Variants in ACSL5 observed in about 807,000 individuals in gnomAD.
ACSL5 encodes the protein acyl-CoA synthetase long chain family member 5.
Under a neutral mutation model 84.9 loss-of-function variants are expected in ACSL5, and 50 were observed. The observed-to-expected ratio is 0.59, with a 90% CI of 0.47 to 0.75. ACSL5 has a LOEUF of 0.75. ACSL5 is among the 30% of genes least tolerant of loss of function. The pLI is 0.00. For missense variants in ACSL5, 775 were observed against 830.4 expected (o/e 0.93, Z 0.82); for synonymous variants, 280 against 300.7 (o/e 0.93, Z 0.71).
intron 1 of ACSL5, among the ~76,000 whole-genome samples, chr10:112,386,998 T>C (rs908304424): frequency 1.3e-5 from 2 of 152,200 alleles, no homozygotes; most frequent in Non-Finnish European, 1.5e-5. Flanking sequence ...CTCTCAGCTC[T>C]TTTTTTAAAT....
chr10:112,374,304 A>G (rs961911630), intron 1 of ACSL5, 35 bp downstream of exon 1: 2 of 152,316 alleles, frequency 1.3e-5, no homozygotes, highest in East Asian at 1.9e-4. Flanking sequence ...ACTATATTGA[A>G]TATATCTGTG....
At chr10:112,424,282 T>G (rs777574299) in intron 17 of ACSL5, 3 of 152,240 alleles carry the variant, frequency 2.0e-5, no homozygotes, top group Non-Finnish European at 2.9e-5. Context: ...CCAAAAGATC[T>G]TCCCTCTCAA....
rs527675593 is a variant in ACSL5, at chr10:112,394,187, T to G, written c.-29-731T>G. On this transcript the variant is annotated intron_variant, in intron 1 of 20. Coordinates refer to ENST00000354655, the MANE Select transcript of ACSL5 (RefSeq NM_203379.2). ...GTTACTTTTAGTTTCTTGAGATCTC[T>G]TCTTGACCTAACTCTTCAATGCTCA... Among the ~76,000 whole-genome samples, 3 of 152,318 alleles carry G rather than the reference T, an allele frequency of 2.0e-5. No homozygotes were observed. The East Asian group carries it at 5.8e-4, about 29-fold the overall frequency.
intron 1 of ACSL5, among the ~76,000 whole-genome samples, chr10:112,380,162 G>A (rs1028714849): frequency 5.3e-5 from 8 of 152,170 alleles, no homozygotes; most frequent in Non-Finnish European, 1.2e-4. Context: ...GCCCAGTGGT[G>A]GATCAAGGTT....
rs999737166 is a variant in ACSL5, at chr10:112,416,980, G to A, written c.1176G>A (p.Arg392=). The change falls in exon 13 of 21, where the codon AGG becomes AGA. Residue 392 remains arginine, a synonymous_variant. Coordinates refer to ENST00000354655, the MANE Select transcript of ACSL5 (RefSeq NM_203379.2). ...AAGAGCTTCAAAAGGGTATCATCAG[G>A]CATGATAGTTTCTGGGACAAGCTCA... ...KFKELQKGII[R]HDSFWDKLIF... is the part of the protein sequence containing the mutation. 1.2e-6 allele frequency: 2 copies of A among 1,613,892 alleles called. No homozygotes were observed. Among genetic ancestry groups the A allele is most frequent in the African/African-American group, 1.3e-5 (1 of 74,878 alleles).
At chr10:112,387,959 G>T in intron 1 of ACSL5, among the ~76,000 whole-genome samples, 1 of 123,122 alleles carries the variant, frequency 8.1e-6, no homozygotes. Context: ...TTTTTTTGGA[G>T]ACAGAGTCTT....
intron 1 of ACSL5, among the ~76,000 whole-genome samples, chr10:112,391,658 G>A (rs1843645115): frequency 6.6e-6 from 1 of 152,190 alleles, no homozygotes; most frequent in South Asian, 2.1e-4. Context: ...TCTCAAAGGA[G>A]TAGTCAAACA....
At chr10:112,399,039 G>C in intron 3 of ACSL5, 30 bp downstream of exon 3, 1 of 1,566,806 alleles carries the variant, frequency 6.4e-7, no homozygotes. Context: ...CTTGCCTGAA[G>C]AAGACAAGGT....
intron 1 of ACSL5, among the ~76,000 whole-genome samples, chr10:112,381,153 T>C (rs970272018): frequency 3.9e-5 from 6 of 152,130 alleles, no homozygotes; most frequent in Admixed American, 3.9e-4. Context: ...GGTTCTAGTG[T>C]TCCATACAGC....
intron 11 of ACSL5, 78 bp downstream of exon 11, chr10:112,412,057 A>G: frequency 5.7e-6 from 8 of 1,404,372 alleles, no homozygotes; most frequent in Non-Finnish European, 8.1e-6. Context: ...AAAGGCAGCT[A>G]CACAGTATTT....
chr10:112,395,685 G>C (rs1417810574), intron 2 of ACSL5: 1 of 152,458 alleles, frequency 6.6e-6, no homozygotes, highest in African/African-American at 2.4e-5. Context: ...CCAGCTTCCT[G>C]TATCTATGAG....
chr10:112,424,645 T>C (rs1359528994), intron 17 of ACSL5: 2 of 152,262 alleles, frequency 1.3e-5, no homozygotes, highest in Non-Finnish European at 2.9e-5. Context: ...GGCCTTGTGA[T>C]AGTTCCAGTG....
chr10:112,425,586 T>G, intron 18 of ACSL5, 105 bp downstream of exon 18: 1 of 858,088 alleles, frequency 1.2e-6, no homozygotes, highest in East Asian at 3.3e-5. Flanking sequence ...AGATCCAAGC[T>G]TATAAAACTA....
chr10:112,384,187 GA>G (rs1364840079), intron 1 of ACSL5, among the ~76,000 whole-genome samples: 3 of 149,830 alleles, frequency 2.0e-5, no homozygotes, highest in Admixed American at 1.3e-4. Context: ...CTCTGTCTCA[GA>G]AAAAAAAACA....
At chr10:112,402,600 A>G (rs2133610754) in intron 3 of ACSL5, among the ~76,000 whole-genome samples, 1 of 152,306 alleles carries the variant, frequency 6.6e-6, no homozygotes, top group African/African-American at 2.4e-5. Flanking sequence ...AAGCAAAAGT[A>G]CTAATGTTTT....
intron 1 of ACSL5, among the ~76,000 whole-genome samples, chr10:112,376,607 C>T (rs754986896): frequency 1.5e-4 from 23 of 152,026 alleles, no homozygotes; most frequent in Admixed American, 1.4e-3. Flanking sequence ...CTCCTGGTCT[C>T]GGTCATGCCT....
Position 112,410,305 on chromosome 10 carries a change from T to C in ACSL5, c.712-158T>C, listed in dbSNP as rs769593859. On this transcript the variant is annotated intron_variant, in intron 7 of 20. Coordinates refer to ENST00000354655, the MANE Select transcript of ACSL5 (RefSeq NM_203379.2). The stretch of plus-strand genomic sequence containing the variant: ...CTTATGCTCTTCCCTGGGGCTTCCA[T>C]TGTTCCTGAATGTTGGCTTCTGGTC... The C allele has an allele frequency of 7.1e-6, 11 of 1,548,284 alleles. No homozygotes were observed. In the African/African-American group the frequency reaches 8.2e-5, roughly 12 times the overall value.
chr10:112,397,900 G>T (rs1405568262), intron 2 of ACSL5, among the ~76,000 whole-genome samples: 2 of 152,010 alleles, frequency 1.3e-5, no homozygotes, highest in East Asian at 1.9e-4. Flanking sequence ...GCATTCAGTA[G>T]AAGTTTAAAC....
intron 16 of ACSL5, 57 bp from the exon 17 acceptor site, chr10:112,422,268 C>T (rs910826751): frequency 2.1e-5 from 30 of 1,461,166 alleles, no homozygotes; most frequent in Non-Finnish European, 2.7e-5. Context: ...CATAAACTGC[C>T]CACGCTGGGA....
Sources: allele counts gnomAD v4.1 joint callset (sites outside exome capture counted in the v4.1 genomes callset), GRCh38; gene constraint gnomAD v4.1.1; transcripts MANE v1.5; gene names NCBI Gene and HGNC (gene_info 2026-07-23, HGNC 2026-07-21).